Variants in GALNT1 observed in about 807,000 individuals in gnomAD.
The protein encoded by GALNT1 is GalNAc transferase 1.
GALNT1 carries 17 observed loss-of-function variants against 65.7 expected under a neutral mutation model. The ratio of observed to expected loss-of-function variants is 0.26; its 90% CI spans 0.18 to 0.39. The LOEUF is 0.39. GALNT1 is among the 10% of genes least tolerant of loss of function. The pLI, the probability that GALNT1 is intolerant of heterozygous loss-of-function variation, is 1.00. For missense variants in GALNT1, 460 were observed against 672.8 expected, an observed-to-expected ratio of 0.68 and a Z score of 3.50; for synonymous variants, 210 against 219.7, an observed-to-expected ratio of 0.96 and a Z score of 0.39.
chr18:35,709,791 G>GA lies in GALNT1; in HGVS notation c.*28dup. The stretch of plus-strand genomic sequence containing the variant: ...TCTGAGACCAAATTTACAAAAAAAC[G>GA]AAAAAAATAAGGATTGACTGGGCTA... On this transcript the variant is annotated 3_prime_UTR_variant, in exon 12 of 12. Transcript: ENST00000269195. 1 of 1,610,334 alleles carries GA rather than the reference G, an allele frequency of 6.2e-7. No individual in the cohort carries two copies. The highest frequency in any genetic ancestry group is 8.5e-7 in the Non-Finnish European group (1 of 1,178,790).
At chr18:35,674,028 A>G (rs749853803) in intron 3 of GALNT1, among the ~76,000 whole-genome samples, 2 of 152,226 alleles carry the variant, frequency 1.3e-5, no homozygotes, top group Non-Finnish European at 2.9e-5. Flanking sequence ...AGGCAATTGT[A>G]GTACAATAGT....
In GALNT1 at chr18:35,630,787, C is replaced by T. The variant is rs1236664207; in HGVS notation, c.-103-23773C>T. 3.9e-5 allele frequency among the ~76,000 whole-genome samples: 6 copies of T among 152,120 alleles called. No homozygotes were observed. The East Asian group carries it at 7.7e-4, about 20-fold the overall frequency. ...GGAGCTGGTTTTTTGAAAAGATCAA[C>T]AAAATTGATAGACCGCTAGCAAGAC... is the stretch of plus-strand genomic sequence containing the variant. On this transcript the variant is annotated intron_variant, in intron 1 of 11. Transcript: ENST00000269195.
intron 11 of GALNT1, among the ~76,000 whole-genome samples, chr18:35,705,699 A>ATGAC (rs1037035248): frequency 6.6e-6 from 1 of 152,252 alleles, no homozygotes; most frequent in Non-Finnish European, 1.5e-5. Flanking sequence ...TTATTGGAAA[A>ATGAC]TGACAGTATA....
At chr18:35,655,085 A>C (rs961542001) in intron 2 of GALNT1, among the ~76,000 whole-genome samples, 3 of 152,140 alleles carry the variant, frequency 2.0e-5, no homozygotes, top group African/African-American at 7.2e-5. Flanking sequence ...TGGGTATCTC[A>C]TAGTTGGGAT....
chr18:35,676,204 A>G (rs568859860), intron 3 of GALNT1, among the ~76,000 whole-genome samples: 8 of 152,176 alleles, frequency 5.3e-5, no homozygotes, highest in Admixed American at 3.9e-4. Context: ...AGTGGAAATG[A>G]GGCTGTGGAT....
In GALNT1 at chr18:35,689,180, A is replaced by T; in HGVS notation, c.868A>T (p.Thr290Ser). Residue 290 changes from threonine to serine, a missense_variant, in exon 7 of 12, where the codon ACC (threonine) becomes TCC (serine). By Grantham distance (58) the Thr-to-Ser change is moderately conservative. Coordinates refer to ENST00000269195, the MANE Select transcript of GALNT1 (RefSeq NM_020474.4). Reference sequence around the variant, plus strand: ...AGCATTATTGAATTTCAGGACACCTACCATGGCAGGAGGCCTTTTTTCAAT... The same window carrying T: ...AGCATTATTGAATTTCAGGACACCTTCCATGGCAGGAGGCCTTTTTTCAAT... ...GDRTLPVRTP[T>S]MAGGLFSIDR... 6.2e-7 allele frequency: 1 copy of T among 1,600,570 alleles called. No individual in the cohort carries two copies. The highest frequency in any genetic ancestry group is 1.1e-5 in the South Asian group (1 of 90,576).
At position 35,709,662 on chromosome 18, in the gene GALNT1, G is replaced by A. The variant is rs755204926; in HGVS notation, c.1572G>A (p.Leu524=). 4.3e-6 allele frequency: 7 copies of A among 1,613,914 alleles called. No homozygotes were observed. In the African/African-American group the frequency reaches 8.0e-5, roughly 18 times the overall value. Residue 524 remains leucine (L), a synonymous_variant, in exon 12 of 12, where the codon CTG becomes CTA. Transcript: ENST00000269195. ...AGCATGTGAACAGTAATCAGTGCCT[G>A]GATAAAGCCACAGAAGAGGATAGCC... ...TLQHVNSNQC[L]DKATEEDSQV...
chr18:35,621,530 C>T (rs879789195), intron 1 of GALNT1, among the ~76,000 whole-genome samples: 2,927 of 132,238 alleles, frequency 0.022, 58 homozygotes, highest in African/African-American at 0.038. Flanking sequence ...TTAATACATT[C>T]TGATACTAAT....
chr18:35,694,645 A>G (rs1274215036), intron 9 of GALNT1, among the ~76,000 whole-genome samples: 1 of 152,220 alleles, frequency 6.6e-6, no homozygotes, highest in Non-Finnish European at 1.5e-5. Flanking sequence ...TTATAACAGC[A>G]CTATTCACAA....
chr18:35,645,339 C>T (rs1165854369), intron 1 of GALNT1, among the ~76,000 whole-genome samples: 1 of 149,890 alleles, frequency 6.7e-6, no homozygotes, highest in Non-Finnish European at 1.5e-5. Context: ...ACACCATTCT[C>T]CTGCCTCAGC....
chr18:35,683,021 T>A (rs1490573277), intron 4 of GALNT1, among the ~76,000 whole-genome samples: 1 of 152,102 alleles, frequency 6.6e-6, no homozygotes, highest in African/African-American at 2.4e-5. Context: ...CTATTACATA[T>A]TCTGTGTCTT....
chr18:35,620,062 G>A (rs1329321523), intron 1 of GALNT1, among the ~76,000 whole-genome samples: 1 of 152,128 alleles, frequency 6.6e-6, no homozygotes. Context: ...CCACAAAAAG[G>A]TGCTTTAAAC....
chr18:35,652,604 A>G (rs2047325668), intron 1 of GALNT1, among the ~76,000 whole-genome samples: 1 of 152,162 alleles, frequency 6.6e-6, no homozygotes, highest in African/African-American at 2.4e-5. Context: ...AACTGAACTG[A>G]TGATTTAGTC....
At chr18:35,697,279 T>C (rs1259463902) in intron 9 of GALNT1, among the ~76,000 whole-genome samples, 1 of 152,216 alleles carries the variant, frequency 6.6e-6, no homozygotes, top group Non-Finnish European at 1.5e-5. Flanking sequence ...AGGGTTCTTA[T>C]AGCAGTGTTT....
chr18:35,656,299 C>T (rs1422789505), intron 2 of GALNT1, among the ~76,000 whole-genome samples: 1 of 152,006 alleles, frequency 6.6e-6, no homozygotes, highest in Non-Finnish European at 1.5e-5. Flanking sequence ...ATGTGCTGGG[C>T]AAGGTACTAG....
At chr18:35,630,365 A>G (rs979197544) in intron 1 of GALNT1, among the ~76,000 whole-genome samples, 1 of 152,230 alleles carries the variant, frequency 6.6e-6, no homozygotes, top group Admixed American at 6.5e-5. Flanking sequence ...CTCAGACCAC[A>G]GTGCAACCAA....
At chr18:35,583,855 G>C (rs1208381170) in intron 1 of GALNT1, among the ~76,000 whole-genome samples, 1 of 152,126 alleles carries the variant, frequency 6.6e-6, no homozygotes, top group Non-Finnish European at 1.5e-5. Context: ...TACTCTGACT[G>C]GAGTTTTGCT....
intron 1 of GALNT1, among the ~76,000 whole-genome samples, chr18:35,591,512 T>A (rs2046443815): frequency 2.6e-5 from 4 of 152,190 alleles, no homozygotes; most frequent in African/African-American, 2.4e-5. Context: ...GCTGGACAGG[T>A]AAACCTGTCC....
chr18:35,582,510 C>T (rs1205748682), intron 1 of GALNT1, among the ~76,000 whole-genome samples: 2 of 152,204 alleles, frequency 1.3e-5, no homozygotes, highest in African/African-American at 4.8e-5. Flanking sequence ...ATGAGGTTCC[C>T]TTACTCCCCA....
Sources: allele counts gnomAD v4.1 joint callset (sites outside exome capture counted in the v4.1 genomes callset), GRCh38; gene constraint gnomAD v4.1.1; transcripts MANE v1.5; gene names NCBI Gene and HGNC (gene_info 2026-07-23, HGNC 2026-07-21).